Variants in SMAD3 observed in about 807,000 individuals in gnomAD.
SMAD3 encodes the protein SMAD family member 3.
In SMAD3, 12 loss-of-function variants were observed where a neutral mutation model predicts 51.8. That is an observed-to-expected ratio of 0.23 (90% CI 0.15 to 0.38). SMAD3 has a LOEUF of 0.38. Among genes scored for constraint, SMAD3 ranks in the 10% least tolerant of loss-of-function variants. SMAD3 has a pLI of 1.00. For synonymous variants in SMAD3, 238 were observed against 227.7 expected (o/e 1.05, Z -0.41); for missense variants, 294 against 565.6 (o/e 0.52, Z 4.87).
chr15:67,174,873 G>A (rs1595950561), intron 5 of SMAD3, among the ~76,000 whole-genome samples: 1 of 152,342 alleles, frequency 6.6e-6, no homozygotes, highest in East Asian at 1.9e-4. Context: ...CAGGGCTCAG[G>A]TCTGGGGAAG....
chr15:67,108,839 G>A (rs1044961990), intron 1 of SMAD3, among the ~76,000 whole-genome samples: 1 of 151,742 alleles, frequency 6.6e-6, no homozygotes, highest in Admixed American at 6.6e-5. Context: ...AATGACAGTT[G>A]TGCTCTATTT....
chr15:67,102,284 T>C lies in SMAD3; in HGVS notation c.206+35924T>C, dbSNP rs1960778524. Reference sequence around the variant, plus strand: ...TGTGTGTGTGCGGTGTGTGTGTGCATGCTCGCGTGCATGAGTTTGTGTTGA... The same window carrying C: ...TGTGTGTGTGCGGTGTGTGTGTGCACGCTCGCGTGCATGAGTTTGTGTTGA... On this transcript the variant is annotated intron_variant, in intron 1 of 8. Transcript: ENST00000327367. Among the ~76,000 whole-genome samples the C allele has an allele frequency of 5.2e-5, 7 of 134,648 alleles. No individual in the cohort carries two copies. The South Asian group carries it at 1.5e-3, about 30-fold the overall frequency. 88.3% of individuals were successfully genotyped at this position (134,648 alleles called of 152,430 possible).
intron 7 of SMAD3, among the ~76,000 whole-genome samples, chr15:67,186,236 TG>T (rs1963219516): frequency 6.6e-6 from 1 of 152,234 alleles, no homozygotes; most frequent in Admixed American, 6.5e-5. Context: ...TTGGCTCTGC[TG>T]GGGGTCAGGG....
intron 7 of SMAD3, 115 bp from the exon 8 acceptor site, chr15:67,187,250 C>A: frequency 8.1e-7 from 1 of 1,241,468 alleles, no homozygotes. Flanking sequence ...CCATGTGTCC[C>A]TGGAGCTGTA....
intron 1 of SMAD3, among the ~76,000 whole-genome samples, chr15:67,080,852 G>T (rs1005110073): frequency 2.0e-5 from 3 of 152,136 alleles, no homozygotes; most frequent in African/African-American, 7.2e-5. Flanking sequence ...TCCTGCTTTG[G>T]GCTCTCAGGG....
intron 1 of SMAD3, among the ~76,000 whole-genome samples, chr15:67,090,642 C>T (rs1366035252): frequency 3.3e-5 from 5 of 152,060 alleles, no homozygotes; most frequent in Admixed American, 3.3e-4. Flanking sequence ...CCTGGTTTTC[C>T]AAGTGTTTAG....
chr15:67,150,400 A>G (rs570030343), intron 1 of SMAD3, among the ~76,000 whole-genome samples: 1 of 152,202 alleles, frequency 6.6e-6, no homozygotes, highest in Non-Finnish European at 1.5e-5. Context: ...ATTTGTTTTG[A>G]TAGAACAAGG....
At chr15:67,094,141 G>A (rs1351659040) in intron 1 of SMAD3, among the ~76,000 whole-genome samples, 1 of 152,208 alleles carries the variant, frequency 6.6e-6, no homozygotes, top group African/African-American at 2.4e-5. Flanking sequence ...TGAGGCCTGC[G>A]TGGGGTGGCC....
chr15:67,084,837 G>A (rs1960355518), intron 1 of SMAD3, among the ~76,000 whole-genome samples: 2 of 152,172 alleles, frequency 1.3e-5, no homozygotes, highest in South Asian at 4.1e-4. Context: ...AGGAAGGAAG[G>A]GAAACGTGTT....
At chr15:67,186,187 A>C (rs1963218536) in intron 7 of SMAD3, among the ~76,000 whole-genome samples, 1 of 152,246 alleles carries the variant, frequency 6.6e-6, no homozygotes, top group African/African-American at 2.4e-5. Context: ...GATGGGGCCT[A>C]GGGCTGATGG....
intron 8 of SMAD3, among the ~76,000 whole-genome samples, chr15:67,188,616 C>G (rs530750661): frequency 6.6e-6 from 1 of 152,380 alleles, no homozygotes; most frequent in East Asian, 1.9e-4. Context: ...CACACTCCCC[C>G]CTGCCAGCCG....
intron 5 of SMAD3, chr15:67,174,233 T>C (rs1055585909): frequency 2.0e-5 from 3 of 152,368 alleles, no homozygotes; most frequent in African/African-American, 7.2e-5. Context: ...CACTGATCAC[T>C]GTTCCTGTAC....
At chr15:67,073,870 G>A (rs544094139) in intron 1 of SMAD3, among the ~76,000 whole-genome samples, 147 of 152,102 alleles carry the variant, frequency 9.7e-4, no homozygotes, top group African/African-American at 3.4e-3. Context: ...GACCAGTTTC[G>A]CCATGTTGGC....
At chr15:67,143,213 A>G (rs982958338) in intron 1 of SMAD3, 2 of 172,968 alleles carry the variant, frequency 1.2e-5, no homozygotes, top group South Asian at 2.4e-4. Flanking sequence ...CTAAGATACT[A>G]TTGTGGCAGA....
intron 6 of SMAD3, 152 bp from the exon 7 acceptor site, chr15:67,184,575 T>G (rs572136723): frequency 2.3e-6 from 2 of 886,166 alleles, no homozygotes; most frequent in South Asian, 1.4e-5. Flanking sequence ...TCCCCTACTT[T>G]AGGCTTGGGC....
chr15:67,144,310 T>C (rs1961916967), intron 1 of SMAD3, among the ~76,000 whole-genome samples: 1 of 152,214 alleles, frequency 6.6e-6, no homozygotes, highest in Non-Finnish European at 1.5e-5. Context: ...GATTCATCCA[T>C]CTTTTTGCAT....
At chr15:67,176,233 A>C (rs1408181661) in intron 5 of SMAD3, among the ~76,000 whole-genome samples, 1 of 152,204 alleles carries the variant, frequency 6.6e-6, no homozygotes, top group African/African-American at 2.4e-5. Flanking sequence ...TTCTGCACTG[A>C]GGCAGTGAGG....
chr15:67,158,302 A>G (rs1043395551), intron 1 of SMAD3, among the ~76,000 whole-genome samples: 3 of 152,156 alleles, frequency 2.0e-5, no homozygotes, highest in African/African-American at 7.2e-5. Context: ...AAGGATTGCT[A>G]CATATTTTGA....
rs141794286 is a variant in SMAD3, at chr15:67,084,107, G to A, written c.206+17747G>A. Among the ~76,000 whole-genome samples, 398 of 115,108 alleles carry A rather than the reference G, an allele frequency of 3.5e-3. 2 individuals are homozygous for A. Among genetic ancestry groups the A allele is most frequent in the African/African-American group, 0.013 (375 of 29,812 alleles). 75.5% of individuals were successfully genotyped at this position (115,108 alleles called of 152,430 possible). ...TTTTTTTTTTTTGAGATGGAGTCTC[G>A]CTCTGTCGCCCAGGCTGGAGTGCAG... On this transcript the variant is annotated intron_variant, in intron 1 of 8. Coordinates refer to ENST00000327367, the MANE Select transcript of SMAD3 (RefSeq NM_005902.4).
Sources: gnomAD v4.1 joint callset for allele counts (sites outside exome capture counted in the v4.1 genomes callset) on GRCh38, gnomAD v4.1.1 for gene constraint, MANE v1.5 for transcripts, NCBI Gene and HGNC (gene_info 2026-07-23, HGNC 2026-07-21) for gene names.